The following FMN1 variants were observed in gnomAD, a reference collection of about 807,000 sequenced individuals.
FMN1 encodes formin-1.
In FMN1, 110 loss-of-function variants were observed where a neutral mutation model predicts 132.4. The observed-to-expected ratio is 0.83, with a 90% CI of 0.71 to 0.97. FMN1 has a LOEUF of 0.97. FMN1 is among the 50% of genes least tolerant of loss of function. FMN1 has a pLI of 0.00. For synonymous variants in FMN1, 722 were observed against 651.7 expected (o/e 1.11, Z -1.64); for missense variants, 1,792 against 1,705.3 (o/e 1.05, Z -0.90).
intron 6 of FMN1, among the ~76,000 whole-genome samples, chr15:33,025,800 C>G (rs553248113): frequency 1.4e-4 from 22 of 152,024 alleles, no homozygotes; most frequent in Admixed American, 2.6e-4. Context: ...AGAAAAAAAT[C>G]TTCTTAGCTA....
intron 6 of FMN1, among the ~76,000 whole-genome samples, chr15:33,019,598 G>A (rs773680115): frequency 3.8e-4 from 58 of 152,176 alleles, no homozygotes; most frequent in Non-Finnish European, 7.5e-4. Context: ...CAGGCATGGC[G>A]AGCTGGAGGT....
At chr15:32,934,850 AC>A (rs987039405) in intron 9 of FMN1, among the ~76,000 whole-genome samples, 4 of 147,586 alleles carry the variant, frequency 2.7e-5, no homozygotes, top group African/African-American at 1.0e-4. Context: ...CAGGTGATCC[AC>A]CCGCCTCGGC....
At chr15:32,875,714 T>C (rs1315461553) in intron 16 of FMN1, among the ~76,000 whole-genome samples, 1 of 152,216 alleles carries the variant, frequency 6.6e-6, no homozygotes, top group African/African-American at 2.4e-5. Context: ...TTTGGTTGAC[T>C]GACATGAGAA....
chr15:33,012,778 T>C, intron 6 of FMN1: 2 of 710,922 alleles, frequency 2.8e-6, no homozygotes, highest in South Asian at 2.8e-5. Flanking sequence ...TGGAGAAAAC[T>C]TCAGTGGTCA....
intron 15 of FMN1, 48 bp downstream of exon 15, chr15:32,898,786 C>G (rs753884732): frequency 1.6e-6 from 2 of 1,222,722 alleles, no homozygotes; most frequent in African/African-American, 3.0e-5. Flanking sequence ...TTATGAATGT[C>G]AACAATGAGT....
At chr15:33,054,894 A>AGG (rs553637531) in intron 6 of FMN1, among the ~76,000 whole-genome samples, 2 of 152,216 alleles carry the variant, frequency 1.3e-5, no homozygotes, top group South Asian at 4.1e-4. Flanking sequence ...CCAAGGAACA[A>AGG]GGACACATTC....
rs2058845606 is a variant in FMN1, at chr15:32,845,947, AT to A, written c.3928+11067del. 3.3e-5 allele frequency among the ~76,000 whole-genome samples: 5 copies of A among 149,726 alleles called. No individual in the cohort carries two copies. The South Asian group carries it at 1.1e-3, about 32-fold the overall frequency. ...CTGTGTACTAGATATTACTATTCCC[AT>A]TTTACAGACAAGAAAAAAAAAAAGG... On this transcript the variant is annotated intron_variant, in intron 17 of 20. Transcript: ENST00000616417.
intron 7 of FMN1, among the ~76,000 whole-genome samples, chr15:32,976,219 A>AG (rs1304587410): frequency 6.6e-6 from 1 of 152,154 alleles, no homozygotes; most frequent in Admixed American, 6.6e-5. Context: ...AAAGCTAGGC[A>AG]GTTCCTGGGG....
intron 6 of FMN1, among the ~76,000 whole-genome samples, chr15:33,058,811 G>GGT (rs2037352830): frequency 6.6e-6 from 1 of 152,050 alleles, no homozygotes; most frequent in Non-Finnish European, 1.5e-5. Context: ...TAGATGATGC[G>GGT]GTGTTTTGAT....
chr15:33,066,522 C>CAG (rs766046518), intron 5 of FMN1: 1 of 1,548,706 alleles, frequency 6.5e-7, no homozygotes, highest in Admixed American at 2.1e-5. Context: ...CTTTTGGAAT[C>CAG]AGAGGGGCCA....
intron 16 of FMN1, among the ~76,000 whole-genome samples, chr15:32,887,649 A>G (rs347939): frequency 0.054 from 8,185 of 152,302 alleles, 709 homozygotes; most frequent in African/African-American, 0.18. Flanking sequence ...ATATATTTAA[A>G]GCAGCAGAGT....
intron 6 of FMN1, among the ~76,000 whole-genome samples, chr15:33,015,904 A>G (rs1252511064): frequency 6.6e-6 from 1 of 152,224 alleles, no homozygotes; most frequent in Non-Finnish European, 1.5e-5. Context: ...AATGCTTCCC[A>G]GATAGTGTTG....
At chr15:33,103,912 C>A (rs1191272199) in intron 4 of FMN1, among the ~76,000 whole-genome samples, 1 of 152,038 alleles carries the variant, frequency 6.6e-6, no homozygotes, top group Non-Finnish European at 1.5e-5. Context: ...TGTTATTTTA[C>A]CATGCCTTGG....
At position 32,834,834 on chromosome 15, in the gene FMN1, C is replaced by T. The variant is rs570406385; in HGVS notation, c.3928+22181G>A. 2.0e-5 allele frequency among the ~76,000 whole-genome samples: 3 copies of T among 152,310 alleles called. No homozygotes were observed. The East Asian group carries it at 5.8e-4, about 29-fold the overall frequency. On this transcript the variant is annotated intron_variant, in intron 17 of 20. Transcript: ENST00000616417. ...GGGAGAAGCCCTAGTTCCCTCTGAT[C>T]ACCTTGGTTAATTTTAGAATGGGTG... is the stretch of plus-strand genomic sequence containing the variant.
chr15:32,777,106 T>C (rs995979519), intron 19 of FMN1, among the ~76,000 whole-genome samples, 187 bp from the exon 20 acceptor site: 5 of 152,222 alleles, frequency 3.3e-5, no homozygotes, highest in African/African-American at 9.6e-5. Flanking sequence ...TAATTAGGTG[T>C]GAAGGCTTCT....
intron 7 of FMN1, among the ~76,000 whole-genome samples, chr15:32,984,193 T>C (rs2032903712): frequency 6.6e-6 from 1 of 152,222 alleles, no homozygotes; most frequent in East Asian, 1.9e-4. Flanking sequence ...GCTTGAAGAT[T>C]TTTTTTTAAG....
chr15:32,945,200 T>C (rs970740976), intron 9 of FMN1, among the ~76,000 whole-genome samples: 3 of 152,208 alleles, frequency 2.0e-5, no homozygotes, highest in African/African-American at 4.8e-5. Flanking sequence ...TTACTGATCA[T>C]TGGCACTTAG....
intron 6 of FMN1, among the ~76,000 whole-genome samples, chr15:33,054,590 C>T (rs2037131832): frequency 6.6e-6 from 1 of 152,156 alleles, no homozygotes; most frequent in Non-Finnish European, 1.5e-5. Context: ...TTATCAAACC[C>T]AATTACCCTT....
chr15:32,919,945 G>C (rs1340316563), intron 10 of FMN1, among the ~76,000 whole-genome samples: 1 of 152,182 alleles, frequency 6.6e-6, no homozygotes, highest in African/African-American at 2.4e-5. Flanking sequence ...ACTTTGAACT[G>C]AGATTCCCAA....
Sources: allele counts gnomAD v4.1 joint callset (sites outside exome capture counted in the v4.1 genomes callset), GRCh38; gene constraint gnomAD v4.1.1; transcripts MANE v1.5; gene names NCBI Gene and HGNC (gene_info 2026-07-23, HGNC 2026-07-21).